The following CALHM3 variants were observed in gnomAD, a reference collection of about 807,000 sequenced individuals.
The protein encoded by CALHM3 is calcium homeostasis modulator protein 3.
Under a neutral mutation model 13.6 loss-of-function variants are expected in CALHM3, and 9 were observed. The observed-to-expected ratio is 0.66, with a 90% CI of 0.40 to 1.15. CALHM3 has a LOEUF of 1.15. Ranked by LOEUF, CALHM3 falls within the 50% of genes most tolerant of loss-of-function variation. CALHM3 has a pLI of 0.01. For synonymous variants in CALHM3, 231 were observed against 213.2 expected, an observed-to-expected ratio of 1.08 and a Z score of -0.73; for missense variants, 497 against 463.4, an observed-to-expected ratio of 1.07 and a Z score of -0.67.
Position 103,479,046 on chromosome 10 carries a change from G to T in CALHM3, c.-14C>A, listed in dbSNP as rs1483015259. On this transcript the variant is annotated 5_prime_UTR_variant, in exon 1 of 3. Transcript: ENST00000369783. ...GAATTTATCCATGGCTCCAGCCTGG[G>T]TGGGTGGGCGGCCGTCGGTTCGGCT... is the stretch of plus-strand genomic sequence containing the variant. The T allele has an allele frequency of 6.5e-7, 1 of 1,538,244 alleles. No homozygotes were observed. Among genetic ancestry groups the T allele is most frequent in the East Asian group, 2.5e-5 (1 of 40,814 alleles).
At chr10:103,476,264 C>T (rs574408741) in intron 2 of CALHM3, 30 bp downstream of exon 2, 1 of 1,548,822 alleles carries the variant, frequency 6.5e-7, no homozygotes, top group Admixed American at 2.0e-5. Flanking sequence ...TGTGAGGGTG[C>T]AAGGGCCGGG....
chr10:103,473,566 C>G lies in CALHM3; in HGVS notation c.682G>C (p.Asp228His). ...CGCGCATGCTCACAGCAGGTCTCGT[C>G]GAAGAGCTTCTGCTCCAGGTCCACG... is the stretch of plus-strand genomic sequence containing the variant. ...NYVDLEQKLF[D>H]ETCCEHARDF... The change falls in exon 3 of 3, where the codon GAC becomes CAC. Residue 228 changes from aspartate to histidine, a missense_variant. Physicochemically the swap from Asp to His is moderately conservative, Grantham distance 81 (BLOSUM62 -1). Transcript: ENST00000369783. The G allele has an allele frequency of 6.4e-7, 1 of 1,551,308 alleles. No homozygotes were observed. Among genetic ancestry groups the G allele is most frequent in the South Asian group, 1.2e-5 (1 of 84,062 alleles).
chr10:103,478,514 G>A (rs1331379437), intron 1 of CALHM3, among the ~76,000 whole-genome samples: 2 of 152,332 alleles, frequency 1.3e-5, no homozygotes, highest in East Asian at 1.9e-4. Context: ...GGTGACAAAC[G>A]ATAGGAACAG....
intron 2 of CALHM3, 49 bp downstream of exon 2, chr10:103,476,245 C>A (rs1021720393): frequency 6.5e-7 from 1 of 1,546,188 alleles, no homozygotes; most frequent in Non-Finnish European, 8.7e-7. Flanking sequence ...AGAACCAATG[C>A]GGGGGATTTG....
chr10:103,474,429 T>C (rs11191702), intron 2 of CALHM3, among the ~76,000 whole-genome samples: 8,081 of 148,014 alleles, frequency 0.055, 711 homozygotes, highest in African/African-American at 0.19. Context: ...TCCAACCATC[T>C]ATCATCCATC....
chr10:103,474,294 C>T (rs1288519483), intron 2 of CALHM3, among the ~76,000 whole-genome samples: 1 of 152,108 alleles, frequency 6.6e-6, no homozygotes, highest in African/African-American at 2.4e-5. Flanking sequence ...GTCATCTTCC[C>T]ATCCAGTCAA....
At position 103,479,143 on chromosome 10, in the gene CALHM3, T is replaced by C. The variant is rs551518070; in HGVS notation, c.-111A>G. 1 of 1,257,524 alleles carries C rather than the reference T, an allele frequency of 8.0e-7. No homozygotes were observed. Among genetic ancestry groups the C allele is most frequent in the Non-Finnish European group, 1.1e-6 (1 of 924,956 alleles). The allele number at this position is 1,257,524 out of a possible 1,614,324, so 77.9% of individuals were successfully genotyped here. On this transcript the variant is annotated 5_prime_UTR_variant, in exon 1 of 3. Coordinates refer to ENST00000369783, the MANE Select transcript of CALHM3 (RefSeq NM_001129742.2). ...AGCCTGGGATCTGCAAGAGGTTCTC[T>C]CTCTGCTTCCAAGGGCCTGAGGGGC...
intron 2 of CALHM3, among the ~76,000 whole-genome samples, chr10:103,475,739 G>T (rs539172404): frequency 6.6e-6 from 1 of 152,340 alleles, no homozygotes; most frequent in South Asian, 2.1e-4. Context: ...CTTTTTGGTG[G>T]ACACAACTCA....
chr10:103,478,002 A>G (rs2033410095), intron 1 of CALHM3, among the ~76,000 whole-genome samples: 1 of 152,214 alleles, frequency 6.6e-6, no homozygotes, highest in Non-Finnish European at 1.5e-5. Flanking sequence ...AAACCTAAAA[A>G]TATGATTCTA....
chr10:103,477,872 C>T (rs1350544743), intron 1 of CALHM3, among the ~76,000 whole-genome samples: 2 of 152,048 alleles, frequency 1.3e-5, no homozygotes, highest in African/African-American at 4.8e-5. Context: ...CGCGCCTGGC[C>T]CCCCCACCCA....
Position 103,473,356 on chromosome 10 carries a change from C to T in CALHM3, c.892G>A (p.Val298Met), listed in dbSNP as rs1455658097. ...TACCACGTGCTTAGGAGGCGGTCCA[C>T]CTGCTCCCGGCTGGAGATTGCGCGC... is the stretch of plus-strand genomic sequence containing the variant. The part of the protein sequence containing the change: ...HLRAISSREQ[V>M]DRLLSTWYSS... Residue 298 changes from valine to methionine, a missense_variant, in exon 3 of 3, where the codon GTG becomes ATG. Transcript: ENST00000369783. 1 of 1,500,606 alleles carries T rather than the reference C, an allele frequency of 6.7e-7. No homozygotes were observed. The highest frequency in any genetic ancestry group is 1.3e-5 in the South Asian group (1 of 76,322). 93.0% of individuals were successfully genotyped at this position (1,500,606 alleles called of 1,614,324 possible). A position where few individuals can be genotyped will look rare whatever the true frequency, so the allele number is the denominator to read the frequency against.
chr10:103,474,413 C>T (rs1237634605), intron 2 of CALHM3, among the ~76,000 whole-genome samples: 2 of 151,460 alleles, frequency 1.3e-5, no homozygotes, highest in Non-Finnish European at 2.9e-5. Context: ...TCATCCACCC[C>T]CCCCATCCAA....
At position 103,478,736 on chromosome 10, in the gene CALHM3, G is replaced by A; in HGVS notation, c.287+10C>T. ...AAGCTCATGGGTCACTGAGTGGTGT[G>A]GGACCGCACCTGATGATGCCTGGGT... On this transcript the variant is annotated intron_variant, in intron 1 of 2. Transcript: ENST00000369783. The A allele has an allele frequency of 6.6e-7, 1 of 1,511,448 alleles. No homozygotes were observed. The allele number at this position is 1,511,448 out of a possible 1,614,324, so 93.6% of individuals were successfully genotyped here. A position where few individuals can be genotyped will look rare whatever the true frequency, so the allele number is the denominator to read the frequency against.
intron 2 of CALHM3, among the ~76,000 whole-genome samples, chr10:103,476,063 C>T (rs1265401297): frequency 6.6e-6 from 1 of 152,192 alleles, no homozygotes; most frequent in Non-Finnish European, 1.5e-5. Context: ...CACTGCAGTG[C>T]CTGGCACATA....
intron 2 of CALHM3, among the ~76,000 whole-genome samples, chr10:103,475,448 C>T (rs543888308): frequency 6.6e-5 from 10 of 152,286 alleles, no homozygotes; most frequent in African/African-American, 1.7e-4. Flanking sequence ...CTCTTTCCAC[C>T]GAACTAGGGA....
rs1209545239 is a variant in CALHM3, at chr10:103,473,622, ACTGT to A, written c.622_625del (p.Thr208SerfsTer94). The A allele has an allele frequency of 1.7e-5, 26 of 1,551,224 alleles. No individual in the cohort carries two copies. The highest frequency in any genetic ancestry group is 8.3e-5 in the South Asian group (7 of 84,070). The stretch of plus-strand genomic sequence containing the variant: ...GCTCCAGTATCTGCGCTGCAGGAAG[ACTGT>A]CTGGTCGAAGCAGGGCCTCAGGCAG... On this transcript the variant is annotated frameshift_variant, in exon 3 of 3. Coordinates refer to ENST00000369783, the MANE Select transcript of CALHM3 (RefSeq NM_001129742.2). LOFTEE classifies it low-confidence loss of function (END_TRUNC).
chr10:103,476,191 G>A (rs2033385247), intron 2 of CALHM3, 103 bp downstream of exon 2: 2 of 1,456,486 alleles, frequency 1.4e-6, no homozygotes, highest in Non-Finnish European at 1.9e-6. Context: ...GGAATGGGCT[G>A]AGCCCATCAT....
chr10:103,478,709 C>T lies in CALHM3; in HGVS notation c.287+37G>A, dbSNP rs1361251151. On this transcript the variant is annotated intron_variant, in intron 1 of 2. Coordinates refer to ENST00000369783, the MANE Select transcript of CALHM3 (RefSeq NM_001129742.2). ...TGTGGGGTGGCTGGGGAGCCCCTGG[C>T]AAAGCTCATGGGTCACTGAGTGGTG... 2.0e-6 allele frequency: 3 copies of T among 1,471,396 alleles called. No homozygotes were observed. The South Asian group carries it at 4.2e-5, about 20-fold the overall frequency. 91.1% of individuals were successfully genotyped at this position (1,471,396 alleles called of 1,614,324 possible).
rs1324324553 is a variant in CALHM3 at position 103,478,911 on chromosome 10, C to G, written c.122G>C (p.Cys41Ser). 1.9e-6 allele frequency: 3 copies of G among 1,551,750 alleles called. No individual in the cohort carries two copies. Among genetic ancestry groups the G allele is most frequent in the Non-Finnish European group, 1.7e-6 (2 of 1,147,016 alleles). ...TGCATTGTAGTGCACCAGGCAGGGA[C>G]AGTTGAAGTCAAAGGAGGAGTACAG... ...VKLYSSFDFNCPCLVHYNALY... is the reference protein window; with the variant it reads ...VKLYSSFDFNSPCLVHYNALY... The change falls in exon 1 of 3, where the codon TGT becomes TCT. Residue 41 changes from cysteine (C) to serine (S), a missense_variant. By Grantham distance (112) the Cys-to-Ser change is moderately radical. Coordinates refer to ENST00000369783, the MANE Select transcript of CALHM3 (RefSeq NM_001129742.2).
Sources: allele counts gnomAD v4.1 joint callset (sites outside exome capture counted in the v4.1 genomes callset), GRCh38; gene constraint gnomAD v4.1.1; transcripts MANE v1.5; gene names NCBI Gene and HGNC (gene_info 2026-07-23, HGNC 2026-07-21).